SLC35F3: variants seen among roughly 807,000 people sequenced by gnomAD.
SLC35F3 encodes the protein solute carrier family 35 member F3.
Under a neutral mutation model 49.9 loss-of-function variants are expected in SLC35F3, and 25 were observed. The ratio of observed to expected loss-of-function variants is 0.50; its 90% CI spans 0.37 to 0.70. The LOEUF is 0.70. Among genes scored for constraint, SLC35F3 ranks in the 30% least tolerant of loss-of-function variants. SLC35F3 has a pLI of 0.00. For missense variants in SLC35F3, 525 were observed against 639.8 expected (o/e 0.82, Z 1.94); for synonymous variants, 275 against 265.4 (o/e 1.04, Z -0.35).
chr1:233,950,737 C>G (rs1268375545), intron 2 of SLC35F3, among the ~76,000 whole-genome samples: 1 of 152,128 alleles, frequency 6.6e-6, no homozygotes, highest in Non-Finnish European at 1.5e-5. Context: ...TCATCCCTTT[C>G]CTTTGCTTTA....
chr1:234,204,793 C>A (rs1666947490), intron 2 of SLC35F3, among the ~76,000 whole-genome samples: 1 of 152,242 alleles, frequency 6.6e-6, no homozygotes, highest in Non-Finnish European at 1.5e-5. Context: ...CACACCTCTA[C>A]ACCTCATCTC....
intron 3 of SLC35F3, among the ~76,000 whole-genome samples, chr1:234,303,546 C>T (rs1341372251): frequency 1.3e-5 from 2 of 152,208 alleles, no homozygotes; most frequent in African/African-American, 4.8e-5. Flanking sequence ...GGAGACACCG[C>T]TGTTGAGGAC....
intron 2 of SLC35F3, among the ~76,000 whole-genome samples, chr1:234,190,530 A>G (rs1666714870): frequency 6.6e-6 from 1 of 152,238 alleles, no homozygotes; most frequent in Non-Finnish European, 1.5e-5. Context: ...ATCATCCTAA[A>G]TATACATGCA....
intron 2 of SLC35F3, among the ~76,000 whole-genome samples, chr1:234,012,506 C>T (rs543114732): frequency 3.3e-5 from 5 of 152,330 alleles, no homozygotes; most frequent in South Asian, 4.1e-4. Flanking sequence ...GAGGTCCCTG[C>T]GGCTTTCCGC....
chr1:234,070,239 A>G lies in SLC35F3; in HGVS notation c.284-161178A>G, dbSNP rs183139087. On this transcript the variant is annotated intron_variant, in intron 2 of 7. Coordinates refer to ENST00000366618, the MANE Select transcript of SLC35F3 (RefSeq NM_173508.4). ...CCCCAGAAGGTTCTGACCTTCCTTCATACAGCAGGTTCCTGGAAGGCCTAC... is the reference window on the plus strand; with the variant it reads ...CCCCAGAAGGTTCTGACCTTCCTTCGTACAGCAGGTTCCTGGAAGGCCTAC... 5.3e-4 allele frequency among the ~76,000 whole-genome samples: 81 copies of G among 152,274 alleles called. 1 individual carries two copies. The South Asian group carries it at 0.014, about 27-fold the overall frequency.
chr1:234,149,491 C>G (rs1439478783), intron 2 of SLC35F3, among the ~76,000 whole-genome samples: 1 of 152,150 alleles, frequency 6.6e-6, no homozygotes, highest in Non-Finnish European at 1.5e-5. Context: ...ATGACATTTA[C>G]ATGAATGACT....
chr1:234,231,813 C>A lies in SLC35F3; in HGVS notation c.608+72C>A. On this transcript the variant is annotated intron_variant, in intron 3 of 7. Transcript: ENST00000366618. This position sits in a 1 kb window ranked among gnomAD's most constrained non-coding sequence, Gnocchi z 5.4. ...ATCCAGCGCTGACTCTGCAGAGCTG[C>A]CCCTGGTGGCAGGCGCTGGGATGAG... The A allele has an allele frequency of 2.8e-6, 4 of 1,417,648 alleles. No individual in the cohort carries two copies. Among genetic ancestry groups the A allele is most frequent in the Non-Finnish European group, 3.9e-6 (4 of 1,034,748 alleles). 87.8% of individuals were successfully genotyped at this position (1,417,648 alleles called of 1,614,324 possible). A position where few individuals can be genotyped will look rare whatever the true frequency, so the allele number is the denominator to read the frequency against.
chr1:234,291,121 C>T (rs1017860790), intron 3 of SLC35F3, among the ~76,000 whole-genome samples: 3 of 152,144 alleles, frequency 2.0e-5, no homozygotes, highest in Admixed American at 6.6e-5. Context: ...CTGTTCGCCA[C>T]CCCCCAAACC....
chr1:234,248,720 G>A (rs987967533), intron 3 of SLC35F3, among the ~76,000 whole-genome samples: 3 of 152,202 alleles, frequency 2.0e-5, no homozygotes, highest in African/African-American at 7.2e-5. Flanking sequence ...AGATCCTCTT[G>A]ATCAGAGGCT....
intron 4 of SLC35F3, among the ~76,000 whole-genome samples, chr1:234,315,108 C>T (rs6660830): frequency 0.069 from 10,498 of 152,176 alleles, 1,152 homozygotes; most frequent in African/African-American, 0.23. Context: ...TGATGCAAAA[C>T]GGTGTGGCTG....
intron 3 of SLC35F3, among the ~76,000 whole-genome samples, chr1:234,251,367 T>G (rs1257184852): frequency 6.6e-6 from 1 of 151,918 alleles, no homozygotes; most frequent in Non-Finnish European, 1.5e-5. Context: ...AGGAGATCAT[T>G]TGAGTTTGAC....
At chr1:234,278,774 G>A (rs770842764) in intron 3 of SLC35F3, among the ~76,000 whole-genome samples, 2 of 146,152 alleles carry the variant, frequency 1.4e-5, no homozygotes, top group African/African-American at 5.2e-5. Flanking sequence ...CCCTTATGAG[G>A]CAGAGAGAGC....
chr1:234,028,301 C>G (rs1664007499), intron 2 of SLC35F3, among the ~76,000 whole-genome samples: 1 of 152,166 alleles, frequency 6.6e-6, no homozygotes, highest in African/African-American at 2.4e-5. Flanking sequence ...ACTGTGTGGT[C>G]TACGTAGCTC....
chr1:234,179,641 C>T (rs1666527935), intron 2 of SLC35F3, among the ~76,000 whole-genome samples: 1 of 152,094 alleles, frequency 6.6e-6, no homozygotes, highest in Non-Finnish European at 1.5e-5. Flanking sequence ...CAGTTAATAC[C>T]TGGCATCAGC....
rs1216493814 is a variant in SLC35F3 at position 233,905,128 on chromosome 1, C to G, written c.51C>G (p.Ala17=). 1 of 1,557,132 alleles carries G rather than the reference C, an allele frequency of 6.4e-7. No homozygotes were observed. The highest frequency in any genetic ancestry group is 8.7e-7 in the Non-Finnish European group (1 of 1,149,502). The change falls in exon 1 of 8, where the codon GCC becomes GCG. Residue 17 remains alanine (A), a splice_region_variant and synonymous_variant. Coordinates refer to ENST00000366618, the MANE Select transcript of SLC35F3 (RefSeq NM_173508.4). ...PSGAPRGKSI[A]VGMRRSPDVS... is the part of the protein sequence containing the mutation. ...GCGCACCCAGGGGCAAGAGCATTGC[C>G]GTGTGAGTAGCGCCCCGGGCGTGGG...
At chr1:234,265,517 A>C (rs1181129972) in intron 3 of SLC35F3, among the ~76,000 whole-genome samples, 1 of 151,896 alleles carries the variant, frequency 6.6e-6, no homozygotes, top group Non-Finnish European at 1.5e-5. Flanking sequence ...GCCCCTAGCC[A>C]AGCCAGCAGG....
intron 3 of SLC35F3, among the ~76,000 whole-genome samples, chr1:234,237,650 C>T (rs576510445): frequency 6.6e-6 from 1 of 152,274 alleles, no homozygotes; most frequent in South Asian, 2.1e-4. Context: ...TAGAGTAAGG[C>T]CCCTTTGGAA....
intron 6 of SLC35F3, among the ~76,000 whole-genome samples, chr1:234,319,295 A>T: frequency 6.6e-6 from 1 of 151,664 alleles, no homozygotes; most frequent in Non-Finnish European, 1.5e-5. Context: ...TTCAATAAAT[A>T]CTATAGATTA....
At chr1:234,099,298 A>G (rs893179488) in intron 2 of SLC35F3, among the ~76,000 whole-genome samples, 10 of 152,270 alleles carry the variant, frequency 6.6e-5, no homozygotes, top group Non-Finnish European at 1.5e-4. Context: ...TCTTGAGACA[A>G]ACTTTTAGAT....
Sources: gnomAD v4.1 joint callset for allele counts (sites outside exome capture counted in the v4.1 genomes callset) on GRCh38, gnomAD v4.1.1 for gene constraint, Gnocchi (gnomAD v3.1) non-coding constraint, MANE v1.5 for transcripts, NCBI Gene and HGNC (gene_info 2026-07-23, HGNC 2026-07-21) for gene names.